The following GPR61 variants were observed in gnomAD, a reference collection of about 807,000 sequenced individuals.
GPR61 encodes G protein-coupled receptor 61, also known as G-protein coupled receptor 61.
GPR61 carries 15 observed loss-of-function variants against 29.2 expected under a neutral mutation model. The observed-to-expected ratio is 0.51, with a 90% CI of 0.34 to 0.79. GPR61 has a LOEUF of 0.79. Among genes scored for constraint, GPR61 ranks in the 30% least tolerant of loss-of-function variants. The pLI, the probability that GPR61 is intolerant of heterozygous loss-of-function variation, is 0.01. For missense variants in GPR61, 399 were observed against 582.5 expected, an observed-to-expected ratio of 0.69 and a Z score of 3.24; for synonymous variants, 238 against 242.3, an observed-to-expected ratio of 0.98 and a Z score of 0.17.
rs1229347170 is a variant in GPR61 at position 109,545,839 on chromosome 1, C to T, written c.*1461C>T. The T allele has an allele frequency of 6.6e-6, 1 of 152,270 alleles. No individual in the cohort carries two copies. Among genetic ancestry groups the T allele is most frequent in the East Asian group, 1.9e-4 (1 of 5,188 alleles). 9.4% of individuals were successfully genotyped at this position (152,270 alleles called of 1,614,324 possible). On this transcript the variant is annotated 3_prime_UTR_variant, in exon 2 of 2. Transcript: ENST00000527748. ...ATAATTTTTATGATAAAAGGTTATA[C>T]TGATAACAACATTGACTCCTTTAGT...
Position 109,543,804 on chromosome 1 carries a change from G to T in GPR61, c.782G>T (p.Ser261Ile), listed in dbSNP as rs1377438314. 4 of 1,613,404 alleles carry T rather than the reference G, an allele frequency of 2.5e-6. No homozygotes were observed. The highest frequency in any genetic ancestry group is 3.4e-6 in the Non-Finnish European group (4 of 1,180,032). The change falls in exon 2 of 2, where the codon AGC becomes ATC. Residue 261 changes from serine to isoleucine, a missense_variant. Ser to Ile is a moderately radical substitution (Grantham distance 142). Around this residue, in one of 3 missense-constraint regions of GPR61, gnomAD observed 320 missense variants for 459.8 expected, o/e 0.70. Coordinates refer to ENST00000527748, the MANE Select transcript of GPR61 (RefSeq NM_001393907.1). This position sits in a 1 kb window ranked among gnomAD's most constrained non-coding sequence, Gnocchi z 6.8. ...CGGCAACGCTCCGAATCTCTCAGCA[G>T]CCGCTCCACGATGGTCACCAGCTCG... ...TPRQRSESLS[S>I]RSTMVTSSGA... is the part of the protein sequence containing the mutation.
chr1:109,540,176 G>T, intron 1 of GPR61: 1 of 152,386 alleles, frequency 6.6e-6, no homozygotes, highest in Non-Finnish European at 1.5e-5. Flanking sequence ...CTGCCGGCAG[G>T]AGTACCCACA....
At chr1:109,540,403 T>C (rs1647597417) in intron 1 of GPR61, among the ~76,000 whole-genome samples, 1 of 152,148 alleles carries the variant, frequency 6.6e-6, no homozygotes, top group Admixed American at 6.5e-5. Context: ...GCTCAGGTCT[T>C]TGGGATGGAA....
In GPR61 at chr1:109,542,999, C is replaced by T. The variant is rs185872316; in HGVS notation, c.-24C>T. On this transcript the variant is annotated 5_prime_UTR_variant, in exon 2 of 2. Transcript: ENST00000527748. ...GGGGATGGGCCTGTGACAGGAGGTA[C>T]CCTGGGTGCCCTCTTTCGGCCCCAT... 1.0e-3 allele frequency: 1,580 copies of T among 1,547,840 alleles called. 13 individuals carry two copies. In the African/African-American group the frequency reaches 0.019, roughly 18 times the overall value.
Position 109,546,182 on chromosome 1 carries a change from G to A in GPR61, c.*1804G>A, listed in dbSNP as rs1313734174. Reference sequence around the variant, plus strand: ...AAAATTAAATGAAACTGGGCAAACAGCTTTCCCCCTTTGTTCTAGGAAAAT... The same window carrying A: ...AAAATTAAATGAAACTGGGCAAACAACTTTCCCCCTTTGTTCTAGGAAAAT... On this transcript the variant is annotated 3_prime_UTR_variant, in exon 2 of 2. Transcript: ENST00000527748. The A allele has an allele frequency of 6.6e-6, 1 of 152,108 alleles. No individual in the cohort carries two copies. Among genetic ancestry groups the A allele is most frequent in the Non-Finnish European group, 1.5e-5 (1 of 68,018 alleles). 9.4% of individuals were successfully genotyped at this position (152,108 alleles called of 1,614,324 possible). A position where few individuals can be genotyped will look rare whatever the true frequency, so the allele number is the denominator to read the frequency against.
Position 109,546,364 on chromosome 1 carries a change from G to C in GPR61, c.*1986G>C, listed in dbSNP as rs536579760. The stretch of plus-strand genomic sequence containing the variant: ...CCCTATTAAAATAAATGCATACAGA[G>C]GAATCAATCATTCCTAGACAGGGAA... On this transcript the variant is annotated 3_prime_UTR_variant, in exon 2 of 2. Transcript: ENST00000527748. The C allele has an allele frequency of 6.6e-6, 1 of 152,098 alleles. No homozygotes were observed. The highest frequency in any genetic ancestry group is 1.5e-5 in the Non-Finnish European group (1 of 68,010). The allele number at this position is 152,098 out of a possible 1,614,324, so 9.4% of individuals were successfully genotyped here. A position where few individuals can be genotyped will look rare whatever the true frequency, so the allele number is the denominator to read the frequency against.
Position 109,543,753 on chromosome 1 carries a change from C to G in GPR61, c.731C>G (p.Pro244Arg). ...CGCGTGGCTGCCATGCAGCACGGGC[C>G]GCTGCCCACGTGGATGGAGACACCC... ...VARVAAMQHGPLPTWMETPRQ... is the reference protein window; with the variant it reads ...VARVAAMQHGRLPTWMETPRQ... The change falls in exon 2 of 2, where the codon CCG becomes CGG. Residue 244 changes from proline to arginine, a missense_variant. Physicochemically the swap from Pro to Arg is moderately radical, Grantham distance 103. This residue lies in a region of GPR61 where 320 missense variants were observed against 459.8 expected (regional missense o/e 0.70). Transcript: ENST00000527748. The surrounding 1 kb of genome is among the most constrained non-coding windows in gnomAD (Gnocchi z 6.8). 1 of 1,613,266 alleles carries G rather than the reference C, an allele frequency of 6.2e-7. No individual in the cohort carries two copies. The highest frequency in any genetic ancestry group is 8.5e-7 in the Non-Finnish European group (1 of 1,180,034).
chr1:109,544,514 C>T lies in GPR61; in HGVS notation c.*136C>T, dbSNP rs1419591485. On this transcript the variant is annotated 3_prime_UTR_variant, in exon 2 of 2. Coordinates refer to ENST00000527748, the MANE Select transcript of GPR61 (RefSeq NM_001393907.1). This position sits in a 1 kb window ranked among gnomAD's most constrained non-coding sequence, Gnocchi z 4.6. ...GCACACAGCTTTTGCTTAGTGTTTCCTGGGTCAGGAACAGAGCCAACAGGA... is the reference window on the plus strand; with the variant it reads ...GCACACAGCTTTTGCTTAGTGTTTCTTGGGTCAGGAACAGAGCCAACAGGA... 2 of 666,490 alleles carry T rather than the reference C, an allele frequency of 3.0e-6. No individual in the cohort carries two copies. The highest frequency in any genetic ancestry group is 3.6e-5 in the African/African-American group (2 of 54,846). 41.3% of individuals were successfully genotyped at this position (666,490 alleles called of 1,614,324 possible). A position where few individuals can be genotyped will look rare whatever the true frequency, so the allele number is the denominator to read the frequency against.
chr1:109,542,080 A>T (rs1470056732), intron 1 of GPR61, among the ~76,000 whole-genome samples: 1 of 152,306 alleles, frequency 6.6e-6, no homozygotes, highest in Non-Finnish European at 1.5e-5. Context: ...GCACCTTCAC[A>T]TATGGCATGG....
chr1:109,545,024 G>C lies in GPR61; in HGVS notation c.*646G>C, dbSNP rs1277640531. On this transcript the variant is annotated 3_prime_UTR_variant, in exon 2 of 2. Coordinates refer to ENST00000527748, the MANE Select transcript of GPR61 (RefSeq NM_001393907.1). ...AGAAATTAGGGTACATGGAGTAGAA[G>C]ATAGGAAAGCTGACTGCAGCTCTCT... 1.3e-5 allele frequency: 2 copies of C among 152,196 alleles called. No homozygotes were observed. Among genetic ancestry groups the C allele is most frequent in the Non-Finnish European group, 2.9e-5 (2 of 68,064 alleles). 9.4% of individuals were successfully genotyped at this position (152,196 alleles called of 1,614,324 possible).
chr1:109,544,389 G>C lies in GPR61; in HGVS notation c.*11G>C, dbSNP rs369130468. The C allele has an allele frequency of 1.4e-5, 22 of 1,595,952 alleles. No individual in the cohort carries two copies. Among genetic ancestry groups the C allele is most frequent in the Non-Finnish European group, 1.7e-5 (20 of 1,166,814 alleles). ...CGGCTGGAGTCATGATGGGCCGCTG[G>C]ACACTCGGAGGGATATGGGGCTGGG... On this transcript the variant is annotated 3_prime_UTR_variant, in exon 2 of 2. Coordinates refer to ENST00000527748, the MANE Select transcript of GPR61 (RefSeq NM_001393907.1). This position sits in a 1 kb window ranked among gnomAD's most constrained non-coding sequence, Gnocchi z 4.6.
At position 109,546,075 on chromosome 1, in the gene GPR61, G is replaced by C. The variant is rs1040696321; in HGVS notation, c.*1697G>C. ...TCTAACTTCTGAGAGTTCAGCCCGT[G>C]GCAGCAAGATGCATACCTTGAAGCT... On this transcript the variant is annotated 3_prime_UTR_variant, in exon 2 of 2. Coordinates refer to ENST00000527748, the MANE Select transcript of GPR61 (RefSeq NM_001393907.1). 15 of 152,182 alleles carry C rather than the reference G, an allele frequency of 9.9e-5. No individual in the cohort carries two copies. Among genetic ancestry groups the C allele is most frequent in the African/African-American group, 3.6e-4 (15 of 41,436 alleles). The allele number at this position is 152,182 out of a possible 1,614,324, so 9.4% of individuals were successfully genotyped here. A position where few individuals can be genotyped will look rare whatever the true frequency, so the allele number is the denominator to read the frequency against.
chr1:109,540,841 C>G (rs746404374), intron 1 of GPR61, among the ~76,000 whole-genome samples: 41 of 152,318 alleles, frequency 2.7e-4, no homozygotes, highest in Non-Finnish European at 4.4e-4. Flanking sequence ...CTTGAGGGAG[C>G]TATGAAAAAG....
At chr1:109,542,308 C>A in intron 1 of GPR61, 114 bp from the exon 2 acceptor site, 1 of 228,908 alleles carries the variant, frequency 4.4e-6, no homozygotes, top group Non-Finnish European at 9.0e-6. Flanking sequence ...CAGGGTCTGG[C>A]ATGTGGAAAA....
At chr1:109,540,975 G>A (rs1357288823) in intron 1 of GPR61, among the ~76,000 whole-genome samples, 3 of 152,190 alleles carry the variant, frequency 2.0e-5, no homozygotes, top group Admixed American at 2.0e-4. Context: ...CAGACATGGT[G>A]GGCCTCTCCT....
intron 1 of GPR61, among the ~76,000 whole-genome samples, chr1:109,540,711 C>G (rs1647610710): frequency 6.6e-6 from 1 of 152,170 alleles, no homozygotes; most frequent in South Asian, 2.1e-4. Context: ...CCACAGCCCT[C>G]CCCTCCATAA....
rs1259027871 is a variant in GPR61, at chr1:109,545,494, C to G, written c.*1116C>G. 6.6e-6 allele frequency: 1 copy of G among 152,220 alleles called. No homozygotes were observed. Among genetic ancestry groups the G allele is most frequent in the African/African-American group, 2.4e-5 (1 of 41,454 alleles). 9.4% of individuals were successfully genotyped at this position (152,220 alleles called of 1,614,324 possible). On this transcript the variant is annotated 3_prime_UTR_variant, in exon 2 of 2. Transcript: ENST00000527748. ...CAGTGACAAAGACTTAAATCTCTCT[C>G]CTATCTGCAGCACTGGGTTGGAGAG...
At position 109,546,190 on chromosome 1, in the gene GPR61, C is replaced by T. The variant is rs774231639; in HGVS notation, c.*1812C>T. The T allele has an allele frequency of 5.9e-5, 9 of 152,098 alleles. No individual in the cohort carries two copies. The highest frequency in any genetic ancestry group is 4.2e-4 in the South Asian group (2 of 4,812). The allele number at this position is 152,098 out of a possible 1,614,324, so 9.4% of individuals were successfully genotyped here. On this transcript the variant is annotated 3_prime_UTR_variant, in exon 2 of 2. Transcript: ENST00000527748. The stretch of plus-strand genomic sequence containing the variant: ...ATGAAACTGGGCAAACAGCTTTCCC[C>T]CTTTGTTCTAGGAAAATTTCTAGGT...
rs949738017 is a variant in GPR61, at chr1:109,543,369, G to A, written c.347G>A (p.Arg116His). The A allele has an allele frequency of 3.7e-6, 6 of 1,611,556 alleles. No homozygotes were observed. Among genetic ancestry groups the A allele is most frequent in the Non-Finnish European group, 5.1e-6 (6 of 1,179,836 alleles). The change falls in exon 2 of 2, where the codon CGC (arginine) becomes CAC (histidine). Residue 116 changes from arginine to histidine, a missense_variant. Around this residue, in one of 3 missense-constraint regions of GPR61, gnomAD observed 320 missense variants for 459.8 expected, o/e 0.70. Coordinates refer to ENST00000527748, the MANE Select transcript of GPR61 (RefSeq NM_001393907.1). This position sits in a 1 kb window ranked among gnomAD's most constrained non-coding sequence, Gnocchi z 6.8. ...DHALFGEVAC[R>H]LYLFLSVCFV... ...GCCCTCTTTGGGGAGGTGGCCTGCC[G>A]CCTCTACTTGTTTCTGAGCGTGTGC...
Sources: gnomAD v4.1 joint callset for allele counts (sites outside exome capture counted in the v4.1 genomes callset) on GRCh38, gnomAD v4.1.1 for gene constraint, gnomAD v4.1.1 regional missense constraint, Gnocchi (gnomAD v3.1) non-coding constraint, MANE v1.5 for transcripts, NCBI Gene and HGNC (gene_info 2026-07-23, HGNC 2026-07-21) for gene names.